ADCY2: variants seen among roughly 807,000 people sequenced by gnomAD.
ADCY2 encodes adenylate cyclase type 2.
In ADCY2, 31 loss-of-function variants were observed where a neutral mutation model predicts 125.2. The observed-to-expected ratio is 0.25, with a 90% CI of 0.19 to 0.33. The LOEUF is 0.33. Among genes scored for constraint, ADCY2 ranks in the 10% least tolerant of loss-of-function variants. The probability of loss-of-function intolerance (pLI) is 1.00; values close to 1 mark genes in which losing one functional copy is unlikely to be tolerated. For synonymous variants in ADCY2, 512 were observed against 548.4 expected (o/e 0.93, Z 0.93); for missense variants, 904 against 1,418.2 (o/e 0.64, Z 5.82).
chr5:7,760,999 C>T (rs1245307884), intron 16 of ADCY2, among the ~76,000 whole-genome samples: 2 of 152,070 alleles, frequency 1.3e-5, no homozygotes, highest in Non-Finnish European at 2.9e-5. Context: ...ATGCAGTATT[C>T]ATTTTTCTGT....
intron 2 of ADCY2, among the ~76,000 whole-genome samples, chr5:7,502,130 C>T (rs902547631): frequency 6.6e-6 from 1 of 152,132 alleles, no homozygotes; most frequent in Non-Finnish European, 1.5e-5. Context: ...GTGTTTACAA[C>T]CACACTTCTT....
intron 8 of ADCY2, 79 bp from the exon 9 acceptor site, chr5:7,707,627 A>G (rs1741304486): frequency 1.3e-6 from 2 of 1,530,660 alleles, no homozygotes; most frequent in South Asian, 2.4e-5. Context: ...AAATTATTTC[A>G]GAAATCATGA....
At chr5:7,588,725 G>A (rs189565850) in intron 3 of ADCY2, among the ~76,000 whole-genome samples, 32 of 152,256 alleles carry the variant, frequency 2.1e-4, no homozygotes, top group East Asian at 1.9e-4. Context: ...CATGTGTCAC[G>A]AAACATTATG....
intron 14 of ADCY2, among the ~76,000 whole-genome samples, chr5:7,740,651 A>T (rs146794239): frequency 1.2e-3 from 177 of 152,228 alleles, no homozygotes; most frequent in African/African-American, 4.1e-3. Flanking sequence ...ATTAGAAATA[A>T]CAAGAACCAA....
At chr5:7,646,917 G>A (rs1738917311) in intron 4 of ADCY2, among the ~76,000 whole-genome samples, 1 of 152,186 alleles carries the variant, frequency 6.6e-6, no homozygotes, top group African/African-American at 2.4e-5. Flanking sequence ...CAGACTCAAG[G>A]ACAGGTTTTA....
chr5:7,626,468 T>A (rs768423555), intron 4 of ADCY2, 152 bp downstream of exon 4: 37 of 813,138 alleles, frequency 4.6e-5, no homozygotes, highest in Non-Finnish European at 6.4e-5. Context: ...TGTCTTAGTC[T>A]GCTTAGTGCT....
chr5:7,527,113 AACCCTTCTCTCC>A (rs1734498811), intron 3 of ADCY2, among the ~76,000 whole-genome samples: 1 of 152,188 alleles, frequency 6.6e-6, no homozygotes, highest in Non-Finnish European at 1.5e-5. Context: ...GAAGATGTGA[AACCCTTCTCTCC>A]ACCCACCTCA....
chr5:7,728,309 A>G (rs193147997), intron 14 of ADCY2, among the ~76,000 whole-genome samples: 2 of 152,164 alleles, frequency 1.3e-5, no homozygotes, highest in African/African-American at 4.8e-5. Flanking sequence ...ATAGCCAAAA[A>G]CCACTTTTGG....
intron 2 of ADCY2, among the ~76,000 whole-genome samples, chr5:7,451,421 C>G (rs1741465901): frequency 6.6e-6 from 1 of 152,118 alleles, no homozygotes; most frequent in Non-Finnish European, 1.5e-5. Context: ...AGAAGTGGAG[C>G]CTGAAGATGT....
intron 15 of ADCY2, 93 bp from the exon 16 acceptor site, chr5:7,757,356 G>A: frequency 6.8e-7 from 1 of 1,466,228 alleles, no homozygotes; most frequent in Non-Finnish European, 9.3e-7. Flanking sequence ...GAACAATGTT[G>A]GTGCTTCTTG....
At chr5:7,447,534 C>A (rs1018144860) in intron 2 of ADCY2, among the ~76,000 whole-genome samples, 1 of 152,204 alleles carries the variant, frequency 6.6e-6, no homozygotes, top group Admixed American at 6.5e-5. Context: ...TCCACACCTC[C>A]CCCTACCTCA....
At chr5:7,646,178 T>C (rs1433537182) in intron 4 of ADCY2, among the ~76,000 whole-genome samples, 2 of 152,164 alleles carry the variant, frequency 1.3e-5, no homozygotes, top group African/African-American at 2.4e-5. Context: ...GACTAAATAA[T>C]TGTAGTTACC....
rs1740715555 is a variant in ADCY2 at position 7,691,843 on chromosome 5, G to T, written c.869+1004G>T. On this transcript the variant is annotated intron_variant, in intron 5 of 24. Coordinates refer to ENST00000338316, the MANE Select transcript of ADCY2 (RefSeq NM_020546.3). The stretch of plus-strand genomic sequence containing the variant: ...GTTCTGCAGGCCTTACAGGAAGCAT[G>T]ACTGGGGAGGCCTCAGGAAACTTAT... 7 of 156,808 alleles carry T rather than the reference G, an allele frequency of 4.5e-5. No individual in the cohort carries two copies. The South Asian group carries it at 1.1e-3, about 24-fold the overall frequency. 9.7% of individuals were successfully genotyped at this position (156,808 alleles called of 1,614,324 possible). A position where few individuals can be genotyped will look rare whatever the true frequency, so the allele number is the denominator to read the frequency against.
chr5:7,629,232 G>A (rs961279561), intron 4 of ADCY2, among the ~76,000 whole-genome samples: 3 of 152,178 alleles, frequency 2.0e-5, no homozygotes, highest in South Asian at 4.1e-4. Context: ...CCTTGGCCTC[G>A]CTTCACAGCC....
At chr5:7,549,262 C>G (rs1412406640) in intron 3 of ADCY2, among the ~76,000 whole-genome samples, 1 of 152,168 alleles carries the variant, frequency 6.6e-6, no homozygotes, top group African/African-American at 2.4e-5. Context: ...GGCTGCAGTT[C>G]TCACACCATC....
At chr5:7,753,679 C>A (rs1742898284) in intron 15 of ADCY2, among the ~76,000 whole-genome samples, 1 of 152,144 alleles carries the variant, frequency 6.6e-6, no homozygotes, top group African/African-American at 2.4e-5. Flanking sequence ...AATCAAGGGT[C>A]TCCATTTTTC....
At chr5:7,573,125 A>G (rs1366540489) in intron 3 of ADCY2, among the ~76,000 whole-genome samples, 1 of 152,174 alleles carries the variant, frequency 6.6e-6, no homozygotes, top group East Asian at 1.9e-4. Context: ...CTCTGCCTAC[A>G]CCATGATTGT....
intron 3 of ADCY2, among the ~76,000 whole-genome samples, chr5:7,529,934 C>G (rs1009564676): frequency 2.0e-5 from 3 of 151,962 alleles, no homozygotes; most frequent in African/African-American, 7.3e-5. Flanking sequence ...TTAGCTTCTC[C>G]CTGTGCCCAG....
intron 2 of ADCY2, among the ~76,000 whole-genome samples, chr5:7,519,813 G>A (rs1579529725): frequency 1.3e-5 from 2 of 152,180 alleles, no homozygotes; most frequent in South Asian, 4.1e-4. Flanking sequence ...CCGTTCCCCA[G>A]CCAGTCCCCT....
Sources: allele counts gnomAD v4.1 joint callset (sites outside exome capture counted in the v4.1 genomes callset), GRCh38; gene constraint gnomAD v4.1.1; transcripts MANE v1.5; gene names NCBI Gene and HGNC (gene_info 2026-07-23, HGNC 2026-07-21).